Variants in ANGPT2 observed in about 807,000 individuals in gnomAD.
The protein encoded by ANGPT2 is angiopoietin-2.
Under a neutral mutation model 62.9 loss-of-function variants are expected in ANGPT2, and 28 were observed. The ratio of observed to expected loss-of-function variants is 0.44; its 90% confidence interval spans 0.33 to 0.61. ANGPT2 has a LOEUF of 0.61. ANGPT2 is among the 20% of genes least tolerant of loss of function. The probability of loss-of-function intolerance (pLI) is 0.03; values close to 1 mark genes in which losing one functional copy is unlikely to be tolerated. For synonymous variants in ANGPT2, 284 were observed against 207.8 expected, an observed-to-expected ratio of 1.37 and a Z score of -3.15; for missense variants, 727 against 594.9, an observed-to-expected ratio of 1.22 and a Z score of -2.31.
At chr8:6,514,148 C>A (rs1815756418) in intron 6 of ANGPT2, among the ~76,000 whole-genome samples, 2 of 152,136 alleles carry the variant, frequency 1.3e-5, no homozygotes, top group South Asian at 4.1e-4. Context: ...AAACAGTCGG[C>A]TTACCAAAAA....
At chr8:6,553,822 A>T (rs1225559006) in intron 1 of ANGPT2, among the ~76,000 whole-genome samples, 1 of 152,128 alleles carries the variant, frequency 6.6e-6, no homozygotes, top group Non-Finnish European at 1.5e-5. Context: ...ATAAAGTCCC[A>T]CGTGATTCAG....
At chr8:6,557,030 G>A (rs934735153) in intron 1 of ANGPT2, among the ~76,000 whole-genome samples, 3 of 152,144 alleles carry the variant, frequency 2.0e-5, no homozygotes, top group African/African-American at 7.2e-5. Flanking sequence ...ACCCCACCTA[G>A]GAGGGGTGGG....
chr8:6,530,585 T>C (rs1263818212), intron 2 of ANGPT2, among the ~76,000 whole-genome samples: 2 of 151,562 alleles, frequency 1.3e-5, no homozygotes, highest in East Asian at 3.9e-4. Flanking sequence ...TCGCTTTAGA[T>C]ATATATTGAT....
At chr8:6,506,679 C>A (rs1205916630) in intron 8 of ANGPT2, among the ~76,000 whole-genome samples, 2 of 151,292 alleles carry the variant, frequency 1.3e-5, no homozygotes, top group Admixed American at 6.6e-5. Context: ...TTTGCAAAAT[C>A]AATAGGAGGG....
intron 1 of ANGPT2, among the ~76,000 whole-genome samples, chr8:6,533,533 G>T (rs1819923210): frequency 7.0e-6 from 1 of 143,004 alleles, no homozygotes; most frequent in Admixed American, 7.0e-5. Flanking sequence ...TAAAGTCATT[G>T]TGTATGCGTA....
rs1015950950 is a variant in ANGPT2 at position 6,500,169 on chromosome 8, A to G, written c.*2932T>C. Reference sequence around the variant, plus strand: ...GTCCAAAGAAAATTTGACGATTAACATCCTCAGAACTGAGAAAAACAAAAA... The same window carrying G: ...GTCCAAAGAAAATTTGACGATTAACGTCCTCAGAACTGAGAAAAACAAAAA... On this transcript the variant is annotated 3_prime_UTR_variant, in exon 9 of 9. Transcript: ENST00000629816. 8 of 516,100 alleles carry G rather than the reference A, an allele frequency of 1.6e-5. No individual in the cohort carries two copies. Among genetic ancestry groups the G allele is most frequent in the South Asian group, 1.5e-4 (7 of 47,932 alleles). 32.0% of individuals were successfully genotyped at this position (516,100 alleles called of 1,614,324 possible).
intron 1 of ANGPT2, among the ~76,000 whole-genome samples, chr8:6,549,842 A>G (rs543571485): frequency 6.6e-6 from 1 of 152,242 alleles, no homozygotes; most frequent in Non-Finnish European, 1.5e-5. Flanking sequence ...TGTACACTCA[A>G]GATTTGTGAA....
At position 6,501,553 on chromosome 8, in the gene ANGPT2, C is replaced by CTTTTTTTTTT. The variant is rs761570329; in HGVS notation, c.*1538_*1547dup. The CTTTTTTTTTT allele has an allele frequency of 9.4e-5, 12 of 127,998 alleles. No individual in the cohort carries two copies. Among genetic ancestry groups the CTTTTTTTTTT allele is most frequent in the South Asian group, 2.5e-4 (1 of 4,018 alleles). The allele number at this position is 127,998 out of a possible 1,614,324, so 7.9% of individuals were successfully genotyped here. A position where few individuals can be genotyped will look rare whatever the true frequency, so the allele number is the denominator to read the frequency against. The stretch of plus-strand genomic sequence containing the variant: ...TGTGTTCTCAAATTTTCTTTTCTTT[C>CTTTTTTTTTT]TTTTTTTTTTTTTTTTTTTGAGATG... On this transcript the variant is annotated 3_prime_UTR_variant, in exon 9 of 9. Coordinates refer to ENST00000629816, the MANE Select transcript of ANGPT2 (RefSeq NM_001118887.2).
chr8:6,522,365 A>G (rs754749572), intron 3 of ANGPT2, among the ~76,000 whole-genome samples: 9 of 126,696 alleles, frequency 7.1e-5, no homozygotes, highest in South Asian at 2.6e-4. Flanking sequence ...AAAAAAAAAG[A>G]AAAAAAAATG....
Position 6,562,697 on chromosome 8 carries a change from G to C in ANGPT2, c.238C>G (p.Leu80Val). ...TCCATGATGTTCTCCAGCACTTGCA[G>C]CCTCTGCACCGAGTCATCGTATTCG... ...PLEYDDSVQR[L>V]QVLENIMENN... is the part of the protein sequence containing the mutation. The change falls in exon 1 of 9, where the codon CTG becomes GTG. Residue 80 changes from leucine (L) to valine (V), a missense_variant. By Grantham distance (32) the Leu-to-Val change is conservative (BLOSUM62 1). Transcript: ENST00000629816. 6 of 1,610,436 alleles carry C rather than the reference G, an allele frequency of 3.7e-6. No individual in the cohort carries two copies. The highest frequency in any genetic ancestry group is 1.1e-5 in the South Asian group (1 of 90,968).
Position 6,520,278 on chromosome 8 carries a change from T to G in ANGPT2, c.800-287A>C, listed in dbSNP as rs142883893. 4.9e-4 allele frequency among the ~76,000 whole-genome samples: 75 copies of G among 152,334 alleles called. 1 individual carries two copies. Among genetic ancestry groups the G allele is most frequent in the African/African-American group, 1.7e-3 (70 of 41,570 alleles). ...GATCAATTACATGTAATGAAAGTAC[T>G]TCACAATCACATAAATTAAATTATT... is the stretch of plus-strand genomic sequence containing the variant. On this transcript the variant is annotated intron_variant, in intron 4 of 8. Coordinates refer to ENST00000629816, the MANE Select transcript of ANGPT2 (RefSeq NM_001118887.2).
intron 1 of ANGPT2, among the ~76,000 whole-genome samples, chr8:6,557,336 T>G (rs897448039): frequency 1.3e-5 from 2 of 152,152 alleles, no homozygotes; most frequent in African/African-American, 4.8e-5. Context: ...ACCATACTTG[T>G]GTACTAGAGA....
At chr8:6,538,810 A>G (rs943254116) in intron 1 of ANGPT2, among the ~76,000 whole-genome samples, 4 of 152,242 alleles carry the variant, frequency 2.6e-5, no homozygotes, top group Non-Finnish European at 4.4e-5. Context: ...CAACCATTCT[A>G]CATATACACC....
intron 1 of ANGPT2, among the ~76,000 whole-genome samples, chr8:6,551,124 G>A (rs986514944): frequency 6.6e-6 from 1 of 152,302 alleles, no homozygotes; most frequent in African/African-American, 2.4e-5. Flanking sequence ...CCCCTGACTC[G>A]AAGCTGACCA....
At chr8:6,505,651 T>A (rs1288000183) in intron 8 of ANGPT2, among the ~76,000 whole-genome samples, 1 of 129,610 alleles carries the variant, frequency 7.7e-6, no homozygotes, top group African/African-American at 3.0e-5. Context: ...TCTTTATATC[T>A]ATTTATATAT....
chr8:6,521,269 A>C lies in ANGPT2; in HGVS notation c.708T>G (p.Thr236=). The C allele has an allele frequency of 6.2e-7, 1 of 1,613,918 alleles. No individual in the cohort carries two copies. Among genetic ancestry groups the C allele is most frequent in the Admixed American group, 1.7e-5 (1 of 60,020 alleles). Residue 236 remains threonine (T), a synonymous_variant, in exon 4 of 9, where the codon ACT becomes ACG. Coordinates refer to ENST00000629816, the MANE Select transcript of ANGPT2 (RefSeq NM_001118887.2). Reference sequence around the variant, plus strand: ...GAAGAACTGAATTATTCACCGTGGCAGTCACTATTTTTTTTTCTAGTTCTT... The same window carrying C: ...GAAGAACTGAATTATTCACCGTGGCCGTCACTATTTTTTTTTCTAGTTCTT... ...IIEELEKKIV[T]ATVNNSVLQK...
chr8:6,521,120 G>C (rs1481943436), intron 4 of ANGPT2, 58 bp downstream of exon 4: 3 of 1,401,516 alleles, frequency 2.1e-6, no homozygotes, highest in Admixed American at 2.0e-5. Context: ...TTAGTCTTTT[G>C]AGTGTTTTAC....
chr8:6,529,312 G>T lies in ANGPT2; in HGVS notation c.445-1636C>A, dbSNP rs867944956. ...CGTCTCTCATTCTGACAGGCTTGGA[G>T]AATCTTGCTTCTAATCAGAAATTTT... On this transcript the variant is annotated intron_variant, in intron 2 of 8. Coordinates refer to ENST00000629816, the MANE Select transcript of ANGPT2 (RefSeq NM_001118887.2). Among the ~76,000 whole-genome samples, 5 of 152,294 alleles carry T rather than the reference G, an allele frequency of 3.3e-5. 1 individual carries two copies. Among genetic ancestry groups the T allele is most frequent in the Middle Eastern group, 6.8e-3 (2 of 294 alleles).
chr8:6,534,765 C>G (rs1221164105), intron 1 of ANGPT2, among the ~76,000 whole-genome samples: 1 of 152,220 alleles, frequency 6.6e-6, no homozygotes, highest in Admixed American at 6.5e-5. Context: ...AGAGTTAGCT[C>G]AGGCTTTTTA....
Sources: allele counts gnomAD v4.1 joint callset (sites outside exome capture counted in the v4.1 genomes callset), GRCh38; gene constraint gnomAD v4.1.1; transcripts MANE v1.5; gene names NCBI Gene and HGNC (gene_info 2026-07-23, HGNC 2026-07-21).